The following B3GALT1 variants were observed in gnomAD, a reference collection of about 807,000 sequenced individuals.
The protein encoded by B3GALT1 is UDP-Gal:betaGlcNAc beta 1,3-galactosyltransferase, polypeptide 1.
Under a neutral mutation model 23.2 loss-of-function variants are expected in B3GALT1, and 10 were observed. That is an observed-to-expected ratio of 0.43 (90% confidence interval 0.27 to 0.73). The LOEUF is 0.73. Ranked by LOEUF, B3GALT1 falls within the 30% of genes least tolerant of loss-of-function variation. B3GALT1 has a pLI of 0.21. For synonymous variants in B3GALT1, 156 were observed against 141.5 expected (o/e 1.10, Z -0.73); for missense variants, 299 against 405.4 (o/e 0.74, Z 2.25).
At chr2:167,559,968 C>T (rs1439772772) in intron 2 of B3GALT1, among the ~76,000 whole-genome samples, 6 of 152,094 alleles carry the variant, frequency 3.9e-5, no homozygotes, top group Non-Finnish European at 8.8e-5. Flanking sequence ...CACAAAGATA[C>T]TCCTCGAGAA....
intron 3 of B3GALT1, among the ~76,000 whole-genome samples, chr2:167,658,878 TG>T (rs1448998711): frequency 2.6e-5 from 4 of 152,126 alleles, no homozygotes; most frequent in Non-Finnish European, 5.9e-5. Flanking sequence ...TGTAGATTTG[TG>T]TATCTGGTAA....
At chr2:167,300,357 AAG>A (rs1173434988) in intron 1 of B3GALT1, among the ~76,000 whole-genome samples, 1 of 152,240 alleles carries the variant, frequency 6.6e-6, no homozygotes, top group Non-Finnish European at 1.5e-5. Flanking sequence ...AGTAGAGAAA[AAG>A]AGTAATACTA....
intron 3 of B3GALT1, among the ~76,000 whole-genome samples, chr2:167,765,388 G>A (rs1038871071): frequency 6.6e-6 from 1 of 152,120 alleles, no homozygotes; most frequent in African/African-American, 2.4e-5. Flanking sequence ...TCCACTCGGC[G>A]CTATGGCAAA....
chr2:167,531,468 C>G (rs1404831152), intron 2 of B3GALT1, among the ~76,000 whole-genome samples: 4 of 152,066 alleles, frequency 2.6e-5, no homozygotes, highest in Admixed American at 2.0e-4. Context: ...GTAGGACTAC[C>G]CTTTGGACAG....
chr2:167,484,564 T>C lies in B3GALT1; in HGVS notation c.-510-5613T>C, dbSNP rs75763355. Among the ~76,000 whole-genome samples the C allele has an allele frequency of 3.0e-3, 452 of 152,308 alleles. 15 individuals carry two copies. In the East Asian group the frequency reaches 0.068, roughly 23 times the overall value. ...GTAGGTGGATTTGAAGATTTTCTGA[T>C]TGGCAATTTGTTGAAAGAGTTAAGT... On this transcript the variant is annotated intron_variant, in intron 1 of 4. Transcript: ENST00000392690.
intron 3 of B3GALT1, among the ~76,000 whole-genome samples, chr2:167,782,818 C>T (rs1243591687): frequency 5.3e-5 from 8 of 152,028 alleles, no homozygotes; most frequent in East Asian, 3.8e-4. Flanking sequence ...ATATTCTCTA[C>T]CAAAGTCCCC....
chr2:167,375,655 A>G (rs1240330678), intron 1 of B3GALT1, among the ~76,000 whole-genome samples: 8 of 152,144 alleles, frequency 5.3e-5, no homozygotes, highest in Admixed American at 4.6e-4. Context: ...TTATTGGTGT[A>G]TAGAAATGCT....
intron 2 of B3GALT1, among the ~76,000 whole-genome samples, chr2:167,491,633 T>C (rs1014235930): frequency 6.6e-5 from 10 of 152,012 alleles, no homozygotes; most frequent in African/African-American, 2.4e-4. Context: ...GCTAACATGG[T>C]GAAACCCTGT....
intron 3 of B3GALT1, among the ~76,000 whole-genome samples, chr2:167,806,514 G>C (rs1688758069): frequency 1.3e-5 from 2 of 152,154 alleles, no homozygotes; most frequent in Admixed American, 1.3e-4. Context: ...CTTATTGAGA[G>C]TTTTTAGCAT....
chr2:167,658,845 A>G (rs966914962), intron 3 of B3GALT1, among the ~76,000 whole-genome samples: 3 of 152,094 alleles, frequency 2.0e-5, no homozygotes, highest in African/African-American at 7.2e-5. Context: ...TAAAATCTGG[A>G]TAGTTGCTGT....
chr2:167,469,832 GA>G (rs1214395041), intron 1 of B3GALT1, among the ~76,000 whole-genome samples: 2 of 152,020 alleles, frequency 1.3e-5, no homozygotes, highest in African/African-American at 4.8e-5. Flanking sequence ...TGACAGATAA[GA>G]AAAAACTATG....
At chr2:167,712,235 A>G (rs1175150108) in intron 3 of B3GALT1, among the ~76,000 whole-genome samples, 1 of 152,176 alleles carries the variant, frequency 6.6e-6, no homozygotes, top group Non-Finnish European at 1.5e-5. Flanking sequence ...TACCTCTTCA[A>G]TTTAACCTAC....
At chr2:167,811,484 A>G (rs1187192495) in intron 3 of B3GALT1, among the ~76,000 whole-genome samples, 1 of 152,154 alleles carries the variant, frequency 6.6e-6, no homozygotes, top group Non-Finnish European at 1.5e-5. Context: ...ATCAATAAAA[A>G]CCTATGGTGA....
At chr2:167,310,684 A>G (rs1373486313) in intron 1 of B3GALT1, among the ~76,000 whole-genome samples, 1 of 151,944 alleles carries the variant, frequency 6.6e-6, no homozygotes, top group Non-Finnish European at 1.5e-5. Flanking sequence ...TGTAGAATGT[A>G]GAAAGGATTT....
At chr2:167,635,717 A>G (rs1190504692) in intron 2 of B3GALT1, among the ~76,000 whole-genome samples, 3 of 152,016 alleles carry the variant, frequency 2.0e-5, no homozygotes, top group African/African-American at 7.2e-5. Context: ...AATGGAAAAA[A>G]TTTCATGCTC....
At chr2:167,663,045 G>A (rs1574197583) in intron 3 of B3GALT1, among the ~76,000 whole-genome samples, 1 of 151,316 alleles carries the variant, frequency 6.6e-6, no homozygotes, top group East Asian at 2.0e-4. Context: ...TGTCATGCTG[G>A]TGCACTGCAC....
chr2:167,431,354 A>G (rs1698701810), intron 1 of B3GALT1, among the ~76,000 whole-genome samples: 1 of 152,226 alleles, frequency 6.6e-6, no homozygotes, highest in African/African-American at 2.4e-5. Flanking sequence ...GAAAAATTTC[A>G]GTAATGGAGC....
intron 2 of B3GALT1, among the ~76,000 whole-genome samples, chr2:167,621,089 CTTT>C (rs35420239): frequency 3.1e-5 from 4 of 129,180 alleles, no homozygotes; most frequent in African/African-American, 5.8e-5. Flanking sequence ...TTTTTCAGTT[CTTT>C]TTTTTTTTTT....
At chr2:167,384,311 A>T (rs564777285) in intron 1 of B3GALT1, among the ~76,000 whole-genome samples, 1 of 152,324 alleles carries the variant, frequency 6.6e-6, no homozygotes, top group Non-Finnish European at 1.5e-5. Flanking sequence ...CCTGGGTGGT[A>T]CAGATGCATG....
Sources: allele counts gnomAD v4.1 joint callset (sites outside exome capture counted in the v4.1 genomes callset), GRCh38; gene constraint gnomAD v4.1.1; transcripts MANE v1.5; gene names NCBI Gene and HGNC (gene_info 2026-07-23, HGNC 2026-07-21).